Variants in ALKBH3 observed in about 807,000 individuals in gnomAD.
The protein encoded by ALKBH3 is alpha-ketoglutarate-dependent dioxygenase alkB homolog 3.
ALKBH3 carries 51 observed loss-of-function variants against 43.9 expected under a neutral mutation model. That is an observed-to-expected ratio of 1.16 (90% CI 0.93 to 1.47). The LOEUF (loss-of-function observed/expected upper bound fraction) is 1.47. Among genes scored for constraint, ALKBH3 ranks in the 40% most tolerant of loss-of-function variants. The pLI, the probability that ALKBH3 is intolerant of heterozygous loss-of-function variation, is 0.00. For missense variants in ALKBH3, 361 were observed against 351.9 expected (o/e 1.03, Z -0.21); for synonymous variants, 102 against 115.2 (o/e 0.89, Z 0.73).
At chr11:43,915,578 T>C (rs1590382686) in intron 8 of ALKBH3, among the ~76,000 whole-genome samples, 1 of 152,214 alleles carries the variant, frequency 6.6e-6, no homozygotes, top group Non-Finnish European at 1.5e-5. Context: ...TCTCCAACCA[T>C]GTGCTCCTTA....
At chr11:43,915,156 C>T (rs191506593) in intron 8 of ALKBH3, among the ~76,000 whole-genome samples, 28 of 148,096 alleles carry the variant, frequency 1.9e-4, no homozygotes, top group African/African-American at 6.3e-4. Context: ...TGCAGTGAGC[C>T]GAGATCACAC....
At chr11:43,919,501 T>C (rs1952010159) in intron 9 of ALKBH3, 1 of 294,048 alleles carries the variant, frequency 3.4e-6, no homozygotes, top group South Asian at 5.4e-5. Flanking sequence ...ACTATCTTAT[T>C]GGAATACACA....
At chr11:43,891,993 C>T (rs1483139738) in intron 6 of ALKBH3, 48 bp from the exon 7 acceptor site, 3 of 1,469,154 alleles carry the variant, frequency 2.0e-6, no homozygotes, top group South Asian at 1.2e-5. Context: ...AGTAGTAACA[C>T]CTTAAATAGC....
intron 8 of ALKBH3, among the ~76,000 whole-genome samples, chr11:43,907,357 A>G (rs887963097): frequency 6.6e-6 from 1 of 152,142 alleles, no homozygotes; most frequent in African/African-American, 2.4e-5. Flanking sequence ...GCTAGAATCC[A>G]TGCCCTGACT....
intron 8 of ALKBH3, among the ~76,000 whole-genome samples, chr11:43,917,236 TTC>T (rs939534105): frequency 6.6e-6 from 1 of 152,224 alleles, no homozygotes; most frequent in Non-Finnish European, 1.5e-5. Flanking sequence ...CATTTCGGAA[TTC>T]TCTTTCACTT....
intron 7 of ALKBH3, chr11:43,898,621 T>C: frequency 1.4e-6 from 1 of 737,658 alleles, no homozygotes; most frequent in Non-Finnish European, 2.5e-6. Flanking sequence ...CCTGGCGGAC[T>C]TGGAAGGGGT....
chr11:43,917,602 G>A (rs1457112106), intron 8 of ALKBH3, among the ~76,000 whole-genome samples: 8 of 152,074 alleles, frequency 5.3e-5, no homozygotes, highest in Non-Finnish European at 8.8e-5. Context: ...CACTCCCTCC[G>A]GATATCTTTT....
intron 8 of ALKBH3, among the ~76,000 whole-genome samples, chr11:43,911,983 C>G (rs144321591): frequency 6.6e-6 from 1 of 151,960 alleles, no homozygotes; most frequent in Admixed American, 6.6e-5. Flanking sequence ...AATAGGCAGG[C>G]GTGGTGGTGC....
At chr11:43,915,022 A>G (rs1341784571) in intron 8 of ALKBH3, among the ~76,000 whole-genome samples, 2 of 152,032 alleles carry the variant, frequency 1.3e-5, no homozygotes, top group Non-Finnish European at 2.9e-5. Flanking sequence ...CCTGGCCAAC[A>G]TGGTGAAACC....
At position 43,882,747 on chromosome 11, in the gene ALKBH3, G is replaced by T; in HGVS notation, c.79+16G>T. ...GCTCAGCCAGGCAAGAATCTGTAGG[G>T]ATTTTGTGTGTGTGTGGATATGGAC... On this transcript the variant is annotated intron_variant, in intron 2 of 9. Coordinates refer to ENST00000302708, the MANE Select transcript of ALKBH3 (RefSeq NM_139178.4). 6.2e-7 allele frequency: 1 copy of T among 1,606,346 alleles called. No homozygotes were observed. The highest frequency in any genetic ancestry group is 8.5e-7 in the Non-Finnish European group (1 of 1,177,284).
At chr11:43,904,637 C>T (rs552470282) in intron 8 of ALKBH3, among the ~76,000 whole-genome samples, 3 of 152,184 alleles carry the variant, frequency 2.0e-5, no homozygotes, top group Admixed American at 6.5e-5. Flanking sequence ...AGTGCAGAAC[C>T]CTTTCTTTGA....
At chr11:43,896,574 T>C (rs2135187144) in intron 7 of ALKBH3, among the ~76,000 whole-genome samples, 1 of 152,308 alleles carries the variant, frequency 6.6e-6, no homozygotes, top group South Asian at 2.1e-4. Flanking sequence ...TGGGTCTGCC[T>C]TCCCTAGCCC....
At chr11:43,882,868 G>A (rs929839026) in intron 2 of ALKBH3, 137 bp downstream of exon 2, 2 of 1,084,086 alleles carry the variant, frequency 1.8e-6, no homozygotes, top group African/African-American at 1.6e-5. Context: ...CTGATATTTT[G>A]TCCGATTTTG....
intron 7 of ALKBH3, chr11:43,898,227 C>T: frequency 2.0e-6 from 2 of 987,678 alleles, no homozygotes; most frequent in Non-Finnish European, 3.2e-6. Context: ...ACGGGTGGCT[C>T]CAGGAGACCC....
In ALKBH3 at chr11:43,904,251, A is replaced by G. The variant is rs956346744; in HGVS notation, c.669+2526A>G. Among the ~76,000 whole-genome samples the G allele has an allele frequency of 4.6e-5, 7 of 152,348 alleles. No homozygotes were observed. The East Asian group carries it at 5.8e-4, about 13-fold the overall frequency. On this transcript the variant is annotated intron_variant, in intron 8 of 9. Coordinates refer to ENST00000302708, the MANE Select transcript of ALKBH3 (RefSeq NM_139178.4). ...CTGATTTGATTAAAATACTGATCCAATAAGTAAGAAAATTTGCCTGAGATT... is the reference window on the plus strand; with the variant it reads ...CTGATTTGATTAAAATACTGATCCAGTAAGTAAGAAAATTTGCCTGAGATT...
At chr11:43,905,262 T>G (rs1951888159) in intron 8 of ALKBH3, among the ~76,000 whole-genome samples, 1 of 152,202 alleles carries the variant, frequency 6.6e-6, no homozygotes, top group African/African-American at 2.4e-5. Context: ...TACTGAAAGC[T>G]GCCCCAGTTC....
At chr11:43,908,858 G>C (rs1161028468) in intron 8 of ALKBH3, among the ~76,000 whole-genome samples, 1 of 152,206 alleles carries the variant, frequency 6.6e-6, no homozygotes. Flanking sequence ...GATGCCTGCT[G>C]AGAGAGCTTG....
Position 43,893,938 on chromosome 11 carries a change from A to G in ALKBH3, c.459+1809A>G, listed in dbSNP as rs559858434. Among the ~76,000 whole-genome samples, 17 of 152,234 alleles carry G rather than the reference A, an allele frequency of 1.1e-4. 1 individual carries two copies. Among genetic ancestry groups the G allele is most frequent in the African/African-American group, 4.1e-4 (17 of 41,536 alleles). ...GTTATGTTGCCCAGGCTGGTGTTGA[A>G]CACCTGGGCTCAAGTGCTCCTCCTG... On this transcript the variant is annotated intron_variant, in intron 7 of 9. Transcript: ENST00000302708.
chr11:43,904,850 G>T (rs546894478), intron 8 of ALKBH3, among the ~76,000 whole-genome samples: 1 of 152,148 alleles, frequency 6.6e-6, no homozygotes, highest in African/African-American at 2.4e-5. Flanking sequence ...TTAGTCTTCT[G>T]TGTGGGATTT....
Sources: allele counts gnomAD v4.1 joint callset (sites outside exome capture counted in the v4.1 genomes callset), GRCh38; gene constraint gnomAD v4.1.1; transcripts MANE v1.5; gene names NCBI Gene and HGNC (gene_info 2026-07-23, HGNC 2026-07-21).